Variants in CLDN14 observed in about 807,000 individuals in gnomAD.
CLDN14 encodes claudin-14.
In CLDN14, 2 loss-of-function variants were observed where a neutral mutation model predicts 2.1. The ratio of observed to expected loss-of-function variants is 0.96; its 90% CI spans 0.39 to 3.01. The LOEUF (loss-of-function observed/expected upper bound fraction) is 3.01, where lower values mean the gene tolerates loss of function less well. Ranked by LOEUF, CLDN14 falls within the 30% of genes most tolerant of loss-of-function variation. The pLI is 0.09. For missense variants in CLDN14, 298 were observed against 328.0 expected (o/e 0.91, Z 0.71); for synonymous variants, 136 against 154.4 (o/e 0.88, Z 0.88).
At chr21:36,519,578 C>T (rs2087253569) in intron 1 of CLDN14, among the ~76,000 whole-genome samples, 1 of 152,100 alleles carries the variant, frequency 6.6e-6, no homozygotes, top group Non-Finnish European at 1.5e-5. Flanking sequence ...GGTGTGGTGG[C>T]ACATGCCTGT....
intron 1 of CLDN14, among the ~76,000 whole-genome samples, chr21:36,526,721 G>C (rs2087333480): frequency 6.6e-6 from 1 of 152,164 alleles, no homozygotes; most frequent in South Asian, 2.1e-4. Context: ...CACTCCTGAG[G>C]TAGGCCCAGC....
intron 1 of CLDN14, among the ~76,000 whole-genome samples, chr21:36,471,239 G>A (rs536199693): frequency 1.3e-5 from 2 of 152,186 alleles, no homozygotes; most frequent in Non-Finnish European, 2.9e-5. Flanking sequence ...AAAAAACAAA[G>A]CCATGGTTAG....
At chr21:36,494,240 G>T (rs2086995107) in intron 2 of CLDN14, among the ~76,000 whole-genome samples, 1 of 152,200 alleles carries the variant, frequency 6.6e-6, no homozygotes, top group Non-Finnish European at 1.5e-5. Flanking sequence ...TGCCAGGGAA[G>T]AGAGAAACAG....
chr21:36,511,191 C>T (rs1378748604), intron 1 of CLDN14, among the ~76,000 whole-genome samples: 1 of 152,216 alleles, frequency 6.6e-6, no homozygotes, highest in Admixed American at 6.5e-5. Context: ...CAAACAAATT[C>T]AGGCTGGGTT....
intron 1 of CLDN14, among the ~76,000 whole-genome samples, chr21:36,563,605 G>C (rs2087652730): frequency 6.6e-6 from 1 of 152,184 alleles, no homozygotes; most frequent in Non-Finnish European, 1.5e-5. Flanking sequence ...GAATCATCTA[G>C]ACATGTGCTT....
chr21:36,482,407 T>TGG (rs1568851803), upstream of CLDN14, among the ~76,000 whole-genome samples: 3 of 120,670 alleles, frequency 2.5e-5, no homozygotes, highest in African/African-American at 7.7e-5. Context: ...GATGGATGGA[T>TGG]AGACGGATGG....
intron 2 of CLDN14, among the ~76,000 whole-genome samples, chr21:36,489,611 A>G (rs1447716635): frequency 6.6e-6 from 1 of 152,200 alleles, no homozygotes; most frequent in African/African-American, 2.4e-5. Flanking sequence ...CGGCAGAGTC[A>G]TCCACTGCCA....
rs1309593280 is a variant in CLDN14 at position 36,498,691 on chromosome 21, C to T, written c.-82+11672G>A. On this transcript the variant is annotated intron_variant, in intron 2 of 2. Coordinates refer to the CLDN14 transcript ENST00000342108. The surrounding 1 kb of genome is among the most constrained non-coding windows in gnomAD (Gnocchi z 4.9). ...GAACATAGGATCTGGCTGTGGCAGA[C>T]AGCAGCCTACAGAAAGGTGGGGGCA... Among the ~76,000 whole-genome samples, 5 of 152,198 alleles carry T rather than the reference C, an allele frequency of 3.3e-5. No individual in the cohort carries two copies. In the East Asian group the frequency reaches 9.6e-4, roughly 29 times the overall value.
chr21:36,555,848 T>A (rs56235749), intron 1 of CLDN14, among the ~76,000 whole-genome samples: 79,888 of 139,462 alleles, frequency 0.57, 22,084 homozygotes, highest in Non-Finnish European at 0.64. Context: ...TGTGTGTGTG[T>A]GTGAGAGAGA....
At chr21:36,545,661 C>G (rs2087521401) in intron 1 of CLDN14, among the ~76,000 whole-genome samples, 1 of 152,098 alleles carries the variant, frequency 6.6e-6, no homozygotes, top group Admixed American at 6.5e-5. Context: ...ATGTTAGTAT[C>G]TGCCCCCACT....
At chr21:36,553,125 G>C (rs2087574555) in intron 1 of CLDN14, among the ~76,000 whole-genome samples, 1 of 152,218 alleles carries the variant, frequency 6.6e-6, no homozygotes, top group Admixed American at 6.5e-5. Flanking sequence ...TCTTCTATGA[G>C]GCTGTTGAGC....
intron 1 of CLDN14, among the ~76,000 whole-genome samples, chr21:36,472,745 T>G (rs1238050060): frequency 1.3e-5 from 2 of 152,228 alleles, no homozygotes; most frequent in Non-Finnish European, 2.9e-5. Context: ...CTTGGGTTCC[T>G]GGTGGAAATT....
At chr21:36,533,259 G>A (rs1400790049) in intron 1 of CLDN14, among the ~76,000 whole-genome samples, 2 of 152,208 alleles carry the variant, frequency 1.3e-5, no homozygotes, top group Admixed American at 1.3e-4. Context: ...GTGGCTGGAT[G>A]GTCTGCACGG....
chr21:36,545,532 G>T (rs1332308422), intron 1 of CLDN14, among the ~76,000 whole-genome samples: 2 of 152,126 alleles, frequency 1.3e-5, no homozygotes, highest in Non-Finnish European at 2.9e-5. Flanking sequence ...TACTAGAGGG[G>T]CTCTTTGTGC....
In CLDN14 at chr21:36,551,245, C is replaced by T. The variant is rs1035167573; in HGVS notation, c.-220+25166G>A. Reference sequence around the variant, plus strand: ...TTAGCAAACAAATCCAGAGAGACCACGATGGCTTGGCCCCCTCCCCTTGGC... The same window carrying T: ...TTAGCAAACAAATCCAGAGAGACCATGATGGCTTGGCCCCCTCCCCTTGGC... On this transcript the variant is annotated intron_variant, in intron 1 of 2. Coordinates refer to the CLDN14 transcript ENST00000342108. The surrounding 1 kb of genome is among the most constrained non-coding windows in gnomAD (Gnocchi z 4.8). 3.3e-5 allele frequency among the ~76,000 whole-genome samples: 5 copies of T among 152,246 alleles called. No individual in the cohort carries two copies. Among genetic ancestry groups the T allele is most frequent in the Middle Eastern group, 3.2e-3 (1 of 316 alleles).
At chr21:36,514,653 G>A (rs2087212960) in intron 1 of CLDN14, among the ~76,000 whole-genome samples, 4 of 148,778 alleles carry the variant, frequency 2.7e-5, no homozygotes, top group Admixed American at 2.7e-4. Context: ...GTGTGTGTGT[G>A]TGTGTGTGTA....
intron 2 of CLDN14, among the ~76,000 whole-genome samples, chr21:36,488,197 C>T (rs559124715): frequency 2.1e-4 from 31 of 147,930 alleles, no homozygotes; most frequent in Non-Finnish European, 4.2e-4. Flanking sequence ...ATGCCCATTG[C>T]AAAAAGACAA....
Position 36,461,753 on chromosome 21 carries a change from G to T in CLDN14, c.-58C>A. 2 of 1,535,746 alleles carry T rather than the reference G, an allele frequency of 1.3e-6. No homozygotes were observed. The highest frequency in any genetic ancestry group is 8.8e-7 in the Non-Finnish European group (1 of 1,142,654). ...CTCCCTGGGCCCTCGGGGTCACGCCGCTCCTCAGGTGCCAGCCGGAGCCCT... is the reference window on the plus strand; with the variant it reads ...CTCCCTGGGCCCTCGGGGTCACGCCTCTCCTCAGGTGCCAGCCGGAGCCCT... On this transcript the variant is annotated 5_prime_UTR_variant, in exon 2 of 2. Transcript: ENST00000399135.
intron 1 of CLDN14, among the ~76,000 whole-genome samples, chr21:36,561,993 A>AAAAAAATCCTGTTTTGCG (rs869113757): frequency 1.9e-4 from 4 of 21,614 alleles, no homozygotes; most frequent in Middle Eastern, 0.029. Flanking sequence ...CCTGTTTTGC[A>AAAAAAATCCTGTTTTGCG]TAACAGAAGT....
Sources: gnomAD v4.1 joint callset for allele counts (sites outside exome capture counted in the v4.1 genomes callset) on GRCh38, gnomAD v4.1.1 for gene constraint, Gnocchi (gnomAD v3.1) non-coding constraint, MANE v1.5 for transcripts, NCBI Gene and HGNC (gene_info 2026-07-23, HGNC 2026-07-21) for gene names.